Variants in TBC1D19 observed in about 807,000 individuals in gnomAD.
TBC1D19 encodes the protein TBC1 domain family member 19.
TBC1D19 carries 60 observed loss-of-function variants against 89.0 expected under a neutral mutation model. The observed-to-expected ratio is 0.67, with a 90% CI of 0.55 to 0.84. The LOEUF (loss-of-function observed/expected upper bound fraction) is 0.84. Ranked by LOEUF, TBC1D19 falls within the 40% of genes least tolerant of loss-of-function variation. The pLI is 0.00. For synonymous variants in TBC1D19, 189 were observed against 199.7 expected (o/e 0.95, Z 0.45); for missense variants, 500 against 610.8 (o/e 0.82, Z 1.91).
chr4:26,758,774 A>G (rs1719358332), downstream of TBC1D19, among the ~76,000 whole-genome samples: 1 of 152,160 alleles, frequency 6.6e-6, no homozygotes. Context: ...TTTGCAACAG[A>G]AAGGATCCTA....
chr4:26,748,350 T>C (rs557284856), intron 18 of TBC1D19, 61 bp from the exon 19 acceptor site: 135 of 1,200,784 alleles, frequency 1.1e-4, no homozygotes, highest in African/African-American at 3.5e-4. Flanking sequence ...TCTTCTGATA[T>C]TGCATTTTCA....
rs76394373 is a variant in TBC1D19 at position 26,595,743 on chromosome 4, C to A, written c.99+11451C>A. Among the ~76,000 whole-genome samples the A allele has an allele frequency of 6.4e-3, 967 of 151,618 alleles. 9 individuals carry two copies. Among genetic ancestry groups the A allele is most frequent in the African/African-American group, 0.022 (926 of 41,288 alleles). On this transcript the variant is annotated intron_variant, in intron 1 of 20. Transcript: ENST00000264866. ...CTTTCATCCTTGTATTGCCTTTACT[C>A]ATTTGTCAAAAATGAGTTGGTGATG...
intron 4 of TBC1D19, among the ~76,000 whole-genome samples, chr4:26,627,274 T>G (rs1216846715): frequency 2.6e-5 from 4 of 152,202 alleles, no homozygotes; most frequent in Non-Finnish European, 4.4e-5. Flanking sequence ...CACATTTTCT[T>G]AATCCAGTCT....
intron 13 of TBC1D19, among the ~76,000 whole-genome samples, chr4:26,688,872 C>G (rs960611036): frequency 6.6e-6 from 1 of 151,950 alleles, no homozygotes; most frequent in Non-Finnish European, 1.5e-5. Context: ...TTTTTCACAT[C>G]TAGAATAAAA....
chr4:26,659,632 C>T lies in TBC1D19; in HGVS notation c.516C>T (p.Asn172=), dbSNP rs371551787. Residue 172 remains asparagine, a synonymous_variant, in exon 8 of 21, where the codon AAC becomes AAT. Transcript: ENST00000264866. The part of the protein sequence containing the change: ...LINLRNPNYE[N]GDSLSFRTHL... ...ATCTTCGCAACCCAAATTATGAAAACGGTGATTCTCTTAGTTTCAGGACTC... is the reference window on the plus strand; with the variant it reads ...ATCTTCGCAACCCAAATTATGAAAATGGTGATTCTCTTAGTTTCAGGACTC... 2.4e-5 allele frequency: 38 copies of T among 1,589,966 alleles called. No homozygotes were observed. The highest frequency in any genetic ancestry group is 1.9e-4 in the African/African-American group (14 of 74,808).
chr4:26,652,824 G>A (rs931074399), intron 7 of TBC1D19, among the ~76,000 whole-genome samples: 1 of 152,052 alleles, frequency 6.6e-6, no homozygotes, highest in Non-Finnish European at 1.5e-5. Flanking sequence ...ACCAACTCCT[G>A]GATTCATTGG....
At chr4:26,750,018 C>T (rs1054245740) in intron 19 of TBC1D19, among the ~76,000 whole-genome samples, 7 of 152,126 alleles carry the variant, frequency 4.6e-5, no homozygotes, top group African/African-American at 1.7e-4. Flanking sequence ...TTTTTCTAAA[C>T]ATTGTTCACA....
chr4:26,778,331 G>A, the TBC1D19 span, among the ~76,000 whole-genome samples: 1 of 151,976 alleles, frequency 6.6e-6, no homozygotes, highest in Non-Finnish European at 1.5e-5. Flanking sequence ...CAGGAGAATG[G>A]CGTGAATCTG....
chr4:26,781,305 G>T, the TBC1D19 span, among the ~76,000 whole-genome samples: 1 of 152,130 alleles, frequency 6.6e-6, no homozygotes, highest in Non-Finnish European at 1.5e-5. Flanking sequence ...AGGTAAGGGG[G>T]GCTGGGTAAC....
At chr4:26,653,315 G>A (rs576278673) in intron 7 of TBC1D19, among the ~76,000 whole-genome samples, 5 of 152,304 alleles carry the variant, frequency 3.3e-5, no homozygotes, top group African/African-American at 7.2e-5. Context: ...AAATAAGTGC[G>A]ATGTGGTGCT....
intron 5 of TBC1D19, 91 bp from the exon 6 acceptor site, chr4:26,638,680 G>A (rs777214349): frequency 4.0e-4 from 385 of 953,560 alleles, no homozygotes; most frequent in Non-Finnish European, 5.5e-4. Flanking sequence ...CATTTATTTA[G>A]CTTTTAAATA....
At chr4:26,813,930 G>A in the TBC1D19 span, among the ~76,000 whole-genome samples, 2 of 152,166 alleles carry the variant, frequency 1.3e-5, no homozygotes, top group Non-Finnish European at 2.9e-5. Context: ...GGCACCGCCT[G>A]TCTCCCTCCT....
At chr4:26,595,217 G>T (rs1221229822) in intron 1 of TBC1D19, among the ~76,000 whole-genome samples, 1 of 152,010 alleles carries the variant, frequency 6.6e-6, no homozygotes, top group East Asian at 1.9e-4. Context: ...ATGTTTATTT[G>T]CCATCTGTGT....
At chr4:26,633,926 G>A (rs1389702567) in intron 4 of TBC1D19, among the ~76,000 whole-genome samples, 1 of 152,058 alleles carries the variant, frequency 6.6e-6, no homozygotes, top group African/African-American at 2.4e-5. Flanking sequence ...TCCAGCTTTA[G>A]ATCCTTTACC....
intron 1 of TBC1D19, among the ~76,000 whole-genome samples, chr4:26,590,286 T>G (rs1429563310): frequency 1.3e-5 from 2 of 152,206 alleles, no homozygotes; most frequent in African/African-American, 4.8e-5. Context: ...CTGTTTTTCT[T>G]ATTTGGCTGG....
chr4:26,619,910 T>C (rs1741930053), intron 3 of TBC1D19, among the ~76,000 whole-genome samples: 1 of 152,228 alleles, frequency 6.6e-6, no homozygotes, highest in Non-Finnish European at 1.5e-5. Flanking sequence ...ATTCAGTCTA[T>C]GGTTCCTGAT....
chr4:26,588,023 TC>T (rs1222649831), intron 1 of TBC1D19, among the ~76,000 whole-genome samples: 1 of 147,210 alleles, frequency 6.8e-6, no homozygotes, highest in Non-Finnish European at 1.5e-5. Flanking sequence ...TCATATGTGT[TC>T]TTTTTTTTTT....
chr4:26,686,496 A>G (rs998524240), intron 12 of TBC1D19, among the ~76,000 whole-genome samples: 8 of 152,092 alleles, frequency 5.3e-5, no homozygotes, highest in African/African-American at 1.9e-4. Flanking sequence ...GATAATTTAT[A>G]CTAGTGTTTT....
chr4:26,844,992 G>GT, the TBC1D19 span, among the ~76,000 whole-genome samples: 555 of 152,218 alleles, frequency 3.6e-3, 2 homozygotes, highest in African/African-American at 0.013. Context: ...GTCTTATCCT[G>GT]TTTTTTTCAC....
Sources: gnomAD v4.1 joint callset for allele counts (sites outside exome capture counted in the v4.1 genomes callset) on GRCh38, gnomAD v4.1.1 for gene constraint, MANE v1.5 for transcripts, NCBI Gene and HGNC (gene_info 2026-07-23, HGNC 2026-07-21) for gene names.